SHMT1: variants seen among roughly 807,000 people sequenced by gnomAD.
The protein encoded by SHMT1 is serine hydroxymethyltransferase 1, also known as serine hydroxymethyltransferase, cytosolic.
SHMT1 carries 45 observed loss-of-function variants against 49.0 expected under a neutral mutation model. That is an observed-to-expected ratio of 0.92 (90% CI 0.72 to 1.18). SHMT1 has a LOEUF of 1.18. Ranked by LOEUF, SHMT1 falls within the 50% of genes most tolerant of loss-of-function variation. SHMT1 has a pLI of 0.00. For missense variants in SHMT1, 541 were observed against 612.4 expected, an observed-to-expected ratio of 0.88 and a Z score of 1.23; for synonymous variants, 232 against 246.6, an observed-to-expected ratio of 0.94 and a Z score of 0.55.
chr17:18,329,126 A>C, intron 11 of SHMT1, 152 bp downstream of exon 11: 1 of 859,670 alleles, frequency 1.2e-6, no homozygotes, highest in Admixed American at 2.0e-5. Context: ...CTCTCAGACA[A>C]GGTGATTTAC....
intron 3 of SHMT1, 48 bp downstream of exon 3, chr17:18,353,624 A>G: frequency 1.3e-6 from 2 of 1,591,430 alleles, no homozygotes; most frequent in Non-Finnish European, 8.6e-7. Flanking sequence ...CTGACTGAGT[A>G]CTCCCTATGA....
At chr17:18,335,232 A>C (rs1598020537) in intron 8 of SHMT1, among the ~76,000 whole-genome samples, 1 of 152,220 alleles carries the variant, frequency 6.6e-6, no homozygotes, top group South Asian at 2.1e-4. Context: ...CTCATCCTGC[A>C]GGGTCTGGAC....
At chr17:18,331,917 CA>C (rs1983254788) in intron 9 of SHMT1, 1 of 152,026 alleles carries the variant, frequency 6.6e-6, no homozygotes, top group Admixed American at 6.5e-5. Context: ...CAGGTATAAT[CA>C]GAAGGAAAAA....
intron 5 of SHMT1, 109 bp downstream of exon 5, chr17:18,347,387 G>T: frequency 8.1e-7 from 1 of 1,238,180 alleles, no homozygotes; most frequent in Non-Finnish European, 1.2e-6. Context: ...AACGGTGCGA[G>T]GTGGGGACTT....
intron 5 of SHMT1, 62 bp downstream of exon 5, chr17:18,347,434 G>A: frequency 6.3e-7 from 1 of 1,581,482 alleles, no homozygotes. Flanking sequence ...ACCCCTGCAG[G>A]CACAGCCAAG....
At chr17:18,352,433 A>G (rs1985817562) in intron 3 of SHMT1, among the ~76,000 whole-genome samples, 1 of 150,220 alleles carries the variant, frequency 6.7e-6, no homozygotes, top group South Asian at 2.3e-4. Context: ...GGCGTGAGCC[A>G]CCGCGCCCGG....
intron 8 of SHMT1, among the ~76,000 whole-genome samples, chr17:18,335,290 C>G (rs942239721): frequency 1.3e-5 from 2 of 152,220 alleles, no homozygotes; most frequent in African/African-American, 4.8e-5. Context: ...TGTCAGATTC[C>G]TTCCCTAAGA....
At position 18,335,539 on chromosome 17, in the gene SHMT1, A is replaced by T; in HGVS notation, c.931+20T>A. 1 of 1,523,224 alleles carries T rather than the reference A, an allele frequency of 6.6e-7. No individual in the cohort carries two copies. The highest frequency in any genetic ancestry group is 9.1e-7 in the Non-Finnish European group (1 of 1,098,308). The allele number at this position is 1,523,224 out of a possible 1,614,324, so 94.4% of individuals were successfully genotyped here. A position where few individuals can be genotyped will look rare whatever the true frequency, so the allele number is the denominator to read the frequency against. On this transcript the variant is annotated intron_variant, in intron 8 of 11. Coordinates refer to ENST00000316694, the MANE Select transcript of SHMT1 (RefSeq NM_004169.5). ...GGGAATTAGGGGCTACAGGATGAGC[A>T]GAGGCAGATGATGTTTTACCAGCAA... is the stretch of plus-strand genomic sequence containing the variant.
intron 2 of SHMT1, among the ~76,000 whole-genome samples, chr17:18,354,876 A>G (rs1042796584): frequency 8.6e-6 from 1 of 116,520 alleles, no homozygotes; most frequent in African/African-American, 3.1e-5. Context: ...CGTCTCTACT[A>G]AAAAAAAAAA....
chr17:18,343,147 A>G (rs1411440591), intron 5 of SHMT1, among the ~76,000 whole-genome samples: 2 of 152,220 alleles, frequency 1.3e-5, no homozygotes, highest in East Asian at 3.9e-4. Context: ...ATAGTTCCAC[A>G]CTGTATATAC....
intron 11 of SHMT1, 58 bp from the exon 12 acceptor site, chr17:18,328,977 G>T: frequency 6.2e-7 from 1 of 1,601,514 alleles, no homozygotes; most frequent in Non-Finnish European, 8.5e-7. Context: ...GGGTACAATG[G>T]CTGGGGGCCG....
Position 18,358,763 on chromosome 17 carries a change from C to T in SHMT1, c.-19-2763G>A, listed in dbSNP as rs866206342. ...CAAAAAATACAAATTATTAGCTGGT[C>T]GTGGTGGCATGCATCTGTAGTCCCA... On this transcript the variant is annotated intron_variant, in intron 1 of 11. Transcript: ENST00000316694. Among the ~76,000 whole-genome samples, 6 of 151,930 alleles carry T rather than the reference C, an allele frequency of 3.9e-5. No homozygotes were observed. The East Asian group carries it at 9.7e-4, about 25-fold the overall frequency.
At chr17:18,335,501 G>A in intron 8 of SHMT1, 58 bp downstream of exon 8, 3 of 1,223,144 alleles carry the variant, frequency 2.5e-6, no homozygotes, top group East Asian at 2.3e-5. Flanking sequence ...CGATTTTGGA[G>A]GACAGGTGGG....
chr17:18,349,087 C>T (rs1436850388), intron 3 of SHMT1, among the ~76,000 whole-genome samples: 1 of 152,008 alleles, frequency 6.6e-6, no homozygotes, highest in Non-Finnish European at 1.5e-5. Flanking sequence ...CACCACAAGA[C>T]AAGCACTGTA....
intron 3 of SHMT1, among the ~76,000 whole-genome samples, chr17:18,351,926 C>G (rs1291498521): frequency 2.0e-5 from 3 of 152,054 alleles, no homozygotes; most frequent in Non-Finnish European, 4.4e-5. Flanking sequence ...CTCACTGCAG[C>G]CTTTGATCTC....
chr17:18,348,503 G>T, intron 3 of SHMT1, 63 bp from the exon 4 acceptor site: 2 of 1,186,464 alleles, frequency 1.7e-6, no homozygotes, highest in Non-Finnish European at 2.5e-6. Flanking sequence ...CTTCACAGAG[G>T]CCAAAGAAGC....
chr17:18,352,778 C>G, intron 3 of SHMT1, among the ~76,000 whole-genome samples: 1 of 151,098 alleles, frequency 6.6e-6, no homozygotes, highest in East Asian at 2.0e-4. Flanking sequence ...CTTGATCACA[C>G]CACTGCACTT....
Position 18,328,568 on chromosome 17 carries a change from A to G in SHMT1, c.*182T>C, listed in dbSNP as rs1982804521. 1 of 638,196 alleles carries G rather than the reference A, an allele frequency of 1.6e-6. No homozygotes were observed. The highest frequency in any genetic ancestry group is 2.8e-5 in the East Asian group (1 of 36,318). The allele number at this position is 638,196 out of a possible 1,614,324, so 39.5% of individuals were successfully genotyped here. On this transcript the variant is annotated 3_prime_UTR_variant, in exon 12 of 12. Transcript: ENST00000316694. ...ATAACCTGTCCCAGAATTACTAACA[A>G]TGAGACTTAAACAAATTTTGATTTG...
chr17:18,334,041 C>T (rs1019119009), intron 8 of SHMT1, among the ~76,000 whole-genome samples: 4 of 151,974 alleles, frequency 2.6e-5, no homozygotes, highest in Non-Finnish European at 5.9e-5. Flanking sequence ...CGGGTTCAAG[C>T]AATTCTCCTG....
Sources: allele counts gnomAD v4.1 joint callset (sites outside exome capture counted in the v4.1 genomes callset), GRCh38; gene constraint gnomAD v4.1.1; transcripts MANE v1.5; gene names NCBI Gene and HGNC (gene_info 2026-07-23, HGNC 2026-07-21).